The following VOPP1 variants were observed in gnomAD, a reference collection of about 807,000 sequenced individuals.
The protein encoded by VOPP1 is VOPP1 WW domain binding protein, also known as WW domain binding protein VOPP1.
A neutral mutation model predicts 23.5 loss-of-function variants in VOPP1; 8 were observed. The ratio of observed to expected loss-of-function variants is 0.34; its 90% confidence interval spans 0.20 to 0.61. The LOEUF is 0.61. Among genes scored for constraint, VOPP1 ranks in the 20% least tolerant of loss-of-function variants. The pLI is 0.78. For missense variants in VOPP1, 174 were observed against 238.1 expected (o/e 0.73, Z 1.77); for synonymous variants, 83 against 97.3 (o/e 0.85, Z 0.86).
chr7:55,479,741 C>G (rs1055993619), intron 4 of VOPP1, among the ~76,000 whole-genome samples: 1 of 152,186 alleles, frequency 6.6e-6, no homozygotes, highest in Non-Finnish European at 1.5e-5. Flanking sequence ...GCATACTCAA[C>G]AATTATTTAT....
intron 4 of VOPP1, among the ~76,000 whole-genome samples, chr7:55,475,141 G>T (rs1357562022): frequency 6.6e-6 from 1 of 152,218 alleles, no homozygotes; most frequent in Non-Finnish European, 1.5e-5. Flanking sequence ...CCTTTGTAAG[G>T]ATGGAAACGC....
chr7:55,538,657 T>C (rs573901016), intron 1 of VOPP1: 365 of 1,535,950 alleles, frequency 2.4e-4, no homozygotes, highest in Non-Finnish European at 2.9e-4. Context: ...TCGCTGAGCA[T>C]TGTGTGTAAT....
intron 2 of VOPP1, among the ~76,000 whole-genome samples, chr7:55,505,773 G>C (rs944560819): frequency 7.3e-5 from 11 of 151,538 alleles, no homozygotes; most frequent in Non-Finnish European, 1.6e-4. Context: ...CTAAAGTATT[G>C]ATGATTAAGT....
At chr7:55,444,654 A>C (rs1422197975) in intron 4 of VOPP1, among the ~76,000 whole-genome samples, 1 of 151,202 alleles carries the variant, frequency 6.6e-6, no homozygotes, top group Non-Finnish European at 1.5e-5. Context: ...TGTTCACCCC[A>C]TTGTGGCATC....
At chr7:55,532,988 G>A (rs1349963710) in intron 1 of VOPP1, among the ~76,000 whole-genome samples, 2 of 152,180 alleles carry the variant, frequency 1.3e-5, no homozygotes, top group Non-Finnish European at 2.9e-5. Context: ...GGGAGAAAGA[G>A]AGTCAGTTCC....
chr7:55,514,414 G>A (rs555611701), intron 2 of VOPP1, among the ~76,000 whole-genome samples: 1 of 152,310 alleles, frequency 6.6e-6, no homozygotes, highest in African/African-American at 2.4e-5. Flanking sequence ...TGATGGCATA[G>A]CAGGTCTAGA....
At chr7:55,519,341 G>A (rs1795686451) in intron 2 of VOPP1, among the ~76,000 whole-genome samples, 1 of 152,124 alleles carries the variant, frequency 6.6e-6, no homozygotes, top group South Asian at 2.1e-4. Context: ...AAATATGCAG[G>A]GAACAAGTGA....
chr7:55,503,239 G>A (rs945989723), intron 2 of VOPP1, among the ~76,000 whole-genome samples: 1 of 152,196 alleles, frequency 6.6e-6, no homozygotes, highest in Non-Finnish European at 1.5e-5. Context: ...TCATGTAAAA[G>A]GAAATGTATG....
intron 1 of VOPP1, among the ~76,000 whole-genome samples, chr7:55,551,971 C>T (rs1797625517): frequency 7.3e-6 from 1 of 136,450 alleles, no homozygotes; most frequent in African/African-American, 2.9e-5. Flanking sequence ...ACCTAGGAGG[C>T]AGAGGTTGCA....
rs1162873242 is a variant in VOPP1 at position 55,545,790 on chromosome 7, T to C, written c.55-24660A>G. Among the ~76,000 whole-genome samples, 7 of 152,100 alleles carry C rather than the reference T, an allele frequency of 4.6e-5. No homozygotes were observed. In the East Asian group the frequency reaches 1.4e-3, roughly 29 times the overall value. On this transcript the variant is annotated intron_variant, in intron 1 of 4. Coordinates refer to ENST00000285279, the MANE Select transcript of VOPP1 (RefSeq NM_030796.5). ...TGCAGCTCTTGTGTTTAAAAAGGAATGATTTGGCTGGGTGCAGTGACTCAC... is the reference window on the plus strand; with the variant it reads ...TGCAGCTCTTGTGTTTAAAAAGGAACGATTTGGCTGGGTGCAGTGACTCAC...
At chr7:55,487,950 A>G (rs1274210112) in intron 4 of VOPP1, among the ~76,000 whole-genome samples, 1 of 152,182 alleles carries the variant, frequency 6.6e-6, no homozygotes, top group Non-Finnish European at 1.5e-5. Flanking sequence ...TACAGTTCCT[A>G]AAGAGCAGGG....
intron 1 of VOPP1, among the ~76,000 whole-genome samples, chr7:55,527,577 G>A (rs148713342): frequency 0.011 from 1,670 of 152,274 alleles, 11 homozygotes; most frequent in Middle Eastern, 0.02. Flanking sequence ...TTCGTGTTCA[G>A]CAGAAGGACA....
At chr7:55,569,060 C>A (rs1798258605) in intron 1 of VOPP1, among the ~76,000 whole-genome samples, 2 of 152,198 alleles carry the variant, frequency 1.3e-5, no homozygotes, top group Non-Finnish European at 2.9e-5. Flanking sequence ...TGGCACAGAG[C>A]AACAGGGGAG....
At chr7:55,564,119 T>C (rs1025636565) in intron 1 of VOPP1, among the ~76,000 whole-genome samples, 4 of 152,260 alleles carry the variant, frequency 2.6e-5, no homozygotes, top group African/African-American at 2.4e-5. Flanking sequence ...GGAACCTGGC[T>C]TCACAGCTTC....
intron 1 of VOPP1, chr7:55,537,711 C>T (rs1796882849): frequency 1.4e-6 from 2 of 1,425,154 alleles, no homozygotes; most frequent in Non-Finnish European, 1.8e-6. Flanking sequence ...GAGGACGCTA[C>T]AAGGATTCAA....
chr7:55,472,189 C>T lies in VOPP1; in HGVS notation c.*666G>A, dbSNP rs1327871419. 1.3e-5 allele frequency: 2 copies of T among 150,864 alleles called. No individual in the cohort carries two copies. Among genetic ancestry groups the T allele is most frequent in the African/African-American group, 4.9e-5 (2 of 40,952 alleles). 9.3% of individuals were successfully genotyped at this position (150,864 alleles called of 1,614,324 possible). A position where few individuals can be genotyped will look rare whatever the true frequency, so the allele number is the denominator to read the frequency against. The stretch of plus-strand genomic sequence containing the variant: ...TAAATTTGCTTAGTGGATGTCAGAT[C>T]ACTGTCAGGCCTCCAAGGCAAGCCT... On this transcript the variant is annotated 3_prime_UTR_variant, in exon 5 of 5. Transcript: ENST00000285279.
At chr7:55,535,100 C>A (rs921182337) in intron 1 of VOPP1, among the ~76,000 whole-genome samples, 16 of 152,210 alleles carry the variant, frequency 1.1e-4, no homozygotes, top group Admixed American at 2.0e-4. Flanking sequence ...GGCTGGGGGA[C>A]TCCTGACACT....
intron 1 of VOPP1, among the ~76,000 whole-genome samples, chr7:55,563,904 AT>A (rs1798067885): frequency 6.6e-6 from 1 of 152,252 alleles, no homozygotes; most frequent in Admixed American, 6.5e-5. Flanking sequence ...AAGAGCCAAA[AT>A]TTTGACAACC....
At chr7:55,473,476 T>A (rs375724888) in intron 4 of VOPP1, among the ~76,000 whole-genome samples, 1 of 152,208 alleles carries the variant, frequency 6.6e-6, no homozygotes, top group Non-Finnish European at 1.5e-5. Context: ...GCCGGGCTAG[T>A]GTGCCCTCAG....
Sources: gnomAD v4.1 joint callset for allele counts (sites outside exome capture counted in the v4.1 genomes callset) on GRCh38, gnomAD v4.1.1 for gene constraint, MANE v1.5 for transcripts, NCBI Gene and HGNC (gene_info 2026-07-23, HGNC 2026-07-21) for gene names.